Variants in TFAP2E observed in about 807,000 individuals in gnomAD.
TFAP2E encodes the protein transcription factor AP-2-epsilon.
Under a neutral mutation model 37.9 loss-of-function variants are expected in TFAP2E, and 30 were observed. The ratio of observed to expected loss-of-function variants is 0.79; its 90% CI spans 0.59 to 1.07. TFAP2E has a LOEUF of 1.07. Ranked by LOEUF, TFAP2E falls within the 50% of genes least tolerant of loss-of-function variation. The probability of loss-of-function intolerance (pLI) is 0.00; values close to 1 mark genes in which losing one functional copy is unlikely to be tolerated. For synonymous variants in TFAP2E, 318 were observed against 295.8 expected (o/e 1.08, Z -0.77); for missense variants, 567 against 637.9 (o/e 0.89, Z 1.20).
At position 35,595,006 on chromosome 1, in the gene TFAP2E, C is replaced by T. The variant is rs1024166532; in HGVS notation, c.*330C>T. The T allele has an allele frequency of 1.5e-5, 5 of 335,426 alleles. No individual in the cohort carries two copies. The highest frequency in any genetic ancestry group is 3.4e-5 in the South Asian group (1 of 29,792). 20.8% of individuals were successfully genotyped at this position (335,426 alleles called of 1,614,324 possible). ...CTTTCCATTAGCGTGGCTGGGTGGC[C>T]GTGGGTGCTTCTAGAGGCCAAAGCC... On this transcript the variant is annotated 3_prime_UTR_variant, in exon 7 of 7. Transcript: ENST00000373235.
chr1:35,586,923 T>C (rs992350565), intron 3 of TFAP2E, among the ~76,000 whole-genome samples: 2 of 152,230 alleles, frequency 1.3e-5, no homozygotes, highest in African/African-American at 4.8e-5. Context: ...AGCACCGCCT[T>C]TGAGACTGCA....
At chr1:35,586,587 TAAAG>T (rs1207704920) in intron 3 of TFAP2E, among the ~76,000 whole-genome samples, 3 of 151,550 alleles carry the variant, frequency 2.0e-5, no homozygotes, top group Non-Finnish European at 2.9e-5. Context: ...ACAAGGCACA[TAAAG>T]AAATGAAAGT....
At position 35,590,079 on chromosome 1, in the gene TFAP2E, T is replaced by C. The variant is rs1416225829; in HGVS notation, c.904+31T>C. The stretch of plus-strand genomic sequence containing the variant: ...TGAGGCCTGAAGGTGGGCATGGGAG[T>C]GGATGTGAGGGCAAGTGAGTTGTCT... On this transcript the variant is annotated intron_variant, in intron 5 of 6. Transcript: ENST00000373235. This position sits in a 1 kb window ranked among gnomAD's most constrained non-coding sequence, Gnocchi z 6.2. 8.1e-6 allele frequency: 13 copies of C among 1,604,232 alleles called. No individual in the cohort carries two copies. Among genetic ancestry groups the C allele is most frequent in the African/African-American group, 1.3e-5 (1 of 74,460 alleles).
rs1277703444 is a variant in TFAP2E at position 35,574,053 on chromosome 1, C to T, written c.154C>T (p.Pro52Ser). 6.7e-7 allele frequency: 1 copy of T among 1,484,824 alleles called. No homozygotes were observed. Among genetic ancestry groups the T allele is most frequent in the African/African-American group, 1.5e-5 (1 of 68,362 alleles). The allele number at this position is 1,484,824 out of a possible 1,614,324, so 92.0% of individuals were successfully genotyped here. The part of the protein sequence containing the change: ...PAATAAAEFQ[P>S]PYFPPPYPQP... ...CGCCACAGCTGCCGCCGAATTCCAG[C>T]CGCCCTACTTCCCGCCGCCCTACCC... The change falls in exon 2 of 7, where the codon CCG (proline) becomes TCG (serine). Residue 52 changes from proline to serine, a missense_variant. Pro to Ser is a moderately conservative substitution (Grantham distance 74, BLOSUM62 -1). This residue lies in a region of TFAP2E where 312 missense variants were observed against 317.4 expected (regional missense o/e 0.98). Transcript: ENST00000373235.
In TFAP2E at chr1:35,574,581, CA is replaced by C. The variant is rs1649114267; in HGVS notation, c.510+174del. The C allele has an allele frequency of 2.5e-6, 3 of 1,188,688 alleles. 1 individual carries two copies. In the South Asian group the frequency reaches 5.5e-5, roughly 22 times the overall value. The allele number at this position is 1,188,688 out of a possible 1,614,324, so 73.6% of individuals were successfully genotyped here. A position where few individuals can be genotyped will look rare whatever the true frequency, so the allele number is the denominator to read the frequency against. On this transcript the variant is annotated intron_variant, in intron 2 of 6. Coordinates refer to ENST00000373235, the MANE Select transcript of TFAP2E (RefSeq NM_178548.4). ...CCTGGGTTAGACGTTGCCTGGCCAT[CA>C]AGGCTGCCTGGCACTGAGTCCGCCA...
At chr1:35,589,080 GC>G (rs1649573229) in intron 4 of TFAP2E, among the ~76,000 whole-genome samples, 1 of 152,088 alleles carries the variant, frequency 6.6e-6, no homozygotes, top group African/African-American at 2.4e-5. Context: ...ACATGTGTGT[GC>G]GTGTGCATGT....
downstream of TFAP2E, chr1:35,595,411 C>T (rs971687472): frequency 2.6e-5 from 4 of 151,402 alleles, no homozygotes; most frequent in African/African-American, 9.7e-5. Context: ...TCCAGCTGGA[C>T]CAGGAGGGAG....
rs1649084400 is a variant in TFAP2E, at chr1:35,573,916, T to C, written c.28-11T>C. 4.1e-6 allele frequency: 6 copies of C among 1,447,920 alleles called. No individual in the cohort carries two copies. The highest frequency in any genetic ancestry group is 5.4e-6 in the Non-Finnish European group (6 of 1,115,224). The allele number at this position is 1,447,920 out of a possible 1,614,324, so 89.7% of individuals were successfully genotyped here. A position where few individuals can be genotyped will look rare whatever the true frequency, so the allele number is the denominator to read the frequency against. ...CAGTGGGTCACCTAAGGCACCCCTC[T>C]CCTTCCCCAGGAGCGCCCCGACGGG... On this transcript the variant is annotated splice_polypyrimidine_tract_variant and intron_variant, in intron 1 of 6. Coordinates refer to ENST00000373235, the MANE Select transcript of TFAP2E (RefSeq NM_178548.4). The surrounding 1 kb of genome is among the most constrained non-coding windows in gnomAD (Gnocchi z 5.9).
chr1:35,594,785 A>G lies in TFAP2E; in HGVS notation c.*109A>G. The stretch of plus-strand genomic sequence containing the variant: ...AAGGTGGGATTAGAGTCAGGCCAGA[A>G]AGAGAACATTCATCCAGAGATCCCA... On this transcript the variant is annotated 3_prime_UTR_variant, in exon 7 of 7. Transcript: ENST00000373235. The G allele has an allele frequency of 6.7e-7, 1 of 1,497,016 alleles. No individual in the cohort carries two copies. Among genetic ancestry groups the G allele is most frequent in the African/African-American group, 1.4e-5 (1 of 71,260 alleles). The allele number at this position is 1,497,016 out of a possible 1,614,324, so 92.7% of individuals were successfully genotyped here.
chr1:35,590,142 G>T lies in TFAP2E; in HGVS notation c.904+94G>T. 1 of 1,150,118 alleles carries T rather than the reference G, an allele frequency of 8.7e-7. No homozygotes were observed. The highest frequency in any genetic ancestry group is 2.4e-5 in the East Asian group (1 of 41,836). 71.2% of individuals were successfully genotyped at this position (1,150,118 alleles called of 1,614,324 possible). On this transcript the variant is annotated intron_variant, in intron 5 of 6. Coordinates refer to ENST00000373235, the MANE Select transcript of TFAP2E (RefSeq NM_178548.4). This position sits in a 1 kb window ranked among gnomAD's most constrained non-coding sequence, Gnocchi z 6.2. ...TCTAATGCAGGAGGGTGTGTTTAGT[G>T]GTGTGTGTGTATCCGTGTAAGTGTT...
rs1275922251 is a variant in TFAP2E, at chr1:35,573,795, C to A, written c.28-132C>A. On this transcript the variant is annotated intron_variant, in intron 1 of 6. Transcript: ENST00000373235. This position sits in a 1 kb window ranked among gnomAD's most constrained non-coding sequence, Gnocchi z 5.9. ...GAGGCTCCTGCGCCCGCGGGTGGCT[C>A]GGAAATAAACCTCGGGCCCCAAGAA... The A allele has an allele frequency of 7.3e-7, 1 of 1,371,692 alleles. No individual in the cohort carries two copies. The highest frequency in any genetic ancestry group is 3.3e-5 in the Admixed American group (1 of 30,668). 85.0% of individuals were successfully genotyped at this position (1,371,692 alleles called of 1,614,324 possible).
intron 3 of TFAP2E, among the ~76,000 whole-genome samples, chr1:35,575,962 G>A (rs1004190251): frequency 1.3e-5 from 2 of 152,230 alleles, no homozygotes; most frequent in Non-Finnish European, 2.9e-5. Flanking sequence ...GACAGCCAGA[G>A]AGGAGCAGAG....
rs1253906732 is a variant in TFAP2E at position 35,594,398 on chromosome 1, A to C, written c.1051A>C (p.Ile351Leu). Residue 351 changes from isoleucine to leucine, a missense_variant, in exon 7 of 7, where the codon ATC (isoleucine) becomes CTC (leucine). Physicochemically the swap from Ile to Leu is conservative, Grantham distance 5. This residue lies in a region of TFAP2E where 252 missense variants were observed against 302.6 expected (regional missense o/e 0.83). Transcript: ENST00000373235. ...TGACCCTCCTTCTCGCACCAGGCAG[A>C]TCTGCAAGGAGTTTGCAGACTTGAT... ...RKSMLLAAKQ[I>L]CKEFADLMAQ... The C allele has an allele frequency of 1.2e-6, 2 of 1,612,910 alleles. No homozygotes were observed. Among genetic ancestry groups the C allele is most frequent in the South Asian group, 2.2e-5 (2 of 90,994 alleles).
rs1368975584 is a variant in TFAP2E, at chr1:35,594,631, T to C, written c.1284T>C (p.His428=). 6.2e-7 allele frequency: 1 copy of C among 1,614,202 alleles called. No individual in the cohort carries two copies. Among genetic ancestry groups the C allele is most frequent in the Non-Finnish European group, 8.5e-7 (1 of 1,180,028 alleles). Residue 428 remains histidine (H), a synonymous_variant, in exon 7 of 7, where the codon CAT becomes CAC. Coordinates refer to ENST00000373235, the MANE Select transcript of TFAP2E (RefSeq NM_178548.4). ...TTCTAAGCAGTGTGGGCAGTGGGCA[T>C]GGTGAAACCAAGGCTTCGGAGAAGG... ...KMFLSSVGSG[H]GETKASEKDA...
Position 35,574,029 on chromosome 1 carries a change from G to C in TFAP2E, c.130G>C (p.Ala44Pro). ...GCCCCCGCTCTGCCACACGCCGGCC[G>C]CCACAGCTGCCGCCGAATTCCAGCC... ...PAPPLCHTPA[A>P]TAAAEFQPPY... The change falls in exon 2 of 7, where the codon GCC (alanine) becomes CCC (proline). Residue 44 changes from alanine (A) to proline (P), a missense_variant. By Grantham distance (27) the Ala-to-Pro change is conservative. This residue lies in a region of TFAP2E where 312 missense variants were observed against 317.4 expected (regional missense o/e 0.98). Coordinates refer to ENST00000373235, the MANE Select transcript of TFAP2E (RefSeq NM_178548.4). 1 of 1,484,826 alleles carries C rather than the reference G, an allele frequency of 6.7e-7. No individual in the cohort carries two copies. Among genetic ancestry groups the C allele is most frequent in the Non-Finnish European group, 8.9e-7 (1 of 1,123,540 alleles). The allele number at this position is 1,484,826 out of a possible 1,614,324, so 92.0% of individuals were successfully genotyped here.
intron 3 of TFAP2E, among the ~76,000 whole-genome samples, chr1:35,582,877 C>G (rs1205845505): frequency 1.3e-5 from 2 of 151,636 alleles, no homozygotes; most frequent in Non-Finnish European, 2.9e-5. Flanking sequence ...TTGATGAAGT[C>G]CAGTTTATCA....
intron 3 of TFAP2E, among the ~76,000 whole-genome samples, chr1:35,584,470 A>G (rs999305073): frequency 6.6e-6 from 1 of 152,020 alleles, no homozygotes. Flanking sequence ...TCCAACCCCT[A>G]CTTCTGGTGA....
Position 35,594,788 on chromosome 1 carries a change from A to G in TFAP2E, c.*112A>G, listed in dbSNP as rs1454626559. On this transcript the variant is annotated 3_prime_UTR_variant, in exon 7 of 7. Transcript: ENST00000373235. ...GTGGGATTAGAGTCAGGCCAGAAAG[A>G]GAACATTCATCCAGAGATCCCAGAG... is the stretch of plus-strand genomic sequence containing the variant. 5 of 1,488,278 alleles carry G rather than the reference A, an allele frequency of 3.4e-6. No homozygotes were observed. Among genetic ancestry groups the G allele is most frequent in the Non-Finnish European group, 4.5e-6 (5 of 1,106,736 alleles). The allele number at this position is 1,488,278 out of a possible 1,614,324, so 92.2% of individuals were successfully genotyped here.
At position 35,581,061 on chromosome 1, in the gene TFAP2E, C is replaced by T. The variant is rs1649338072; in HGVS notation, c.562+6061C>T. ...CAAGCCTTAGGCCACCACTGATCTGCTTTCTGTCCATAAATTTGCATATTC... is the reference window on the plus strand; with the variant it reads ...CAAGCCTTAGGCCACCACTGATCTGTTTTCTGTCCATAAATTTGCATATTC... On this transcript the variant is annotated intron_variant, in intron 3 of 6. Coordinates refer to ENST00000373235, the MANE Select transcript of TFAP2E (RefSeq NM_178548.4). 2.0e-5 allele frequency among the ~76,000 whole-genome samples: 3 copies of T among 152,202 alleles called. No homozygotes were observed. In the South Asian group the frequency reaches 6.2e-4, roughly 31 times the overall value.
Sources: allele counts gnomAD v4.1 joint callset (sites outside exome capture counted in the v4.1 genomes callset), GRCh38; gene constraint gnomAD v4.1.1; regional missense constraint gnomAD v4.1.1; non-coding constraint Gnocchi (gnomAD v3.1); transcripts MANE v1.5; gene names NCBI Gene and HGNC (gene_info 2026-07-23, HGNC 2026-07-21).